The following IMPACT variants were observed in gnomAD, a reference collection of about 807,000 sequenced individuals.
The protein encoded by IMPACT is protein IMPACT.
A neutral mutation model predicts 47.5 loss-of-function variants in IMPACT; 35 were observed. The ratio of observed to expected loss-of-function variants is 0.74; its 90% CI spans 0.56 to 0.98. The LOEUF (loss-of-function observed/expected upper bound fraction) is 0.98. Among genes scored for constraint, IMPACT ranks in the 50% least tolerant of loss-of-function variants. The pLI, the probability that IMPACT is intolerant of heterozygous loss-of-function variation, is 0.00. For synonymous variants in IMPACT, 118 were observed against 125.6 expected (o/e 0.94, Z 0.40); for missense variants, 373 against 394.8 (o/e 0.94, Z 0.47).
intron 7 of IMPACT, among the ~76,000 whole-genome samples, chr18:24,443,565 A>C (rs1310399682): frequency 6.6e-6 from 1 of 152,248 alleles, no homozygotes; most frequent in African/African-American, 2.4e-5. Flanking sequence ...TTGTGTTATT[A>C]GAGAAAATTA....
chr18:24,453,365 A>T lies in IMPACT; in HGVS notation c.*2518A>T, dbSNP rs551902851. 2 of 152,304 alleles carry T rather than the reference A, an allele frequency of 1.3e-5. No individual in the cohort carries two copies. The highest frequency in any genetic ancestry group is 2.9e-5 in the Non-Finnish European group (2 of 68,010). The allele number at this position is 152,304 out of a possible 1,614,324, so 9.4% of individuals were successfully genotyped here. A position where few individuals can be genotyped will look rare whatever the true frequency, so the allele number is the denominator to read the frequency against. On this transcript the variant is annotated 3_prime_UTR_variant, in exon 11 of 11. Transcript: ENST00000284202. ...CCATTATTATTAATATTTGGTATGT[A>T]CATCCTTATATTATTTTTTTCTTAT...
At chr18:24,446,376 A>G (rs1028203852) in intron 8 of IMPACT, among the ~76,000 whole-genome samples, 1 of 152,218 alleles carries the variant, frequency 6.6e-6, no homozygotes, top group Non-Finnish European at 1.5e-5. Flanking sequence ...AAACCAATTT[A>G]TGCTCCTGTA....
intron 4 of IMPACT, among the ~76,000 whole-genome samples, chr18:24,433,753 C>G (rs1482795440): frequency 6.7e-6 from 1 of 149,812 alleles, no homozygotes; most frequent in Non-Finnish European, 1.5e-5. Flanking sequence ...TCACTGCAAC[C>G]TCCGCCTCCC....
intron 7 of IMPACT, among the ~76,000 whole-genome samples, 173 bp from the exon 8 acceptor site, chr18:24,445,220 C>G (rs766119991): frequency 2.0e-5 from 3 of 152,116 alleles, no homozygotes; most frequent in Non-Finnish European, 4.4e-5. Context: ...TTATGAGTAC[C>G]AGTCTCTGCC....
At position 24,445,348 on chromosome 18, in the gene IMPACT, G is replaced by T. The variant is rs762961970; in HGVS notation, c.595-45G>T. 3.5e-6 allele frequency: 4 copies of T among 1,137,222 alleles called. No homozygotes were observed. The African/African-American group carries it at 6.2e-5, about 18-fold the overall frequency. The allele number at this position is 1,137,222 out of a possible 1,614,324, so 70.4% of individuals were successfully genotyped here. A position where few individuals can be genotyped will look rare whatever the true frequency, so the allele number is the denominator to read the frequency against. ...TATTTTTCTAGCATTTATTTACAGAGCAAATATAAAAAGCATACTTATTTA... is the reference window on the plus strand; with the variant it reads ...TATTTTTCTAGCATTTATTTACAGATCAAATATAAAAAGCATACTTATTTA... On this transcript the variant is annotated intron_variant, in intron 7 of 10. Coordinates refer to ENST00000284202, the MANE Select transcript of IMPACT (RefSeq NM_018439.4).
At chr18:24,432,990 C>T (rs576335239) in intron 4 of IMPACT, among the ~76,000 whole-genome samples, 35 of 152,068 alleles carry the variant, frequency 2.3e-4, no homozygotes, top group Non-Finnish European at 4.0e-4. Context: ...TCCCACAGGA[C>T]GCAACTTTCC....
chr18:24,437,884 CTG>C (rs1336786461), intron 4 of IMPACT, 69 bp from the exon 5 acceptor site: 2 of 758,184 alleles, frequency 2.6e-6, no homozygotes, highest in Non-Finnish European at 4.7e-6. Context: ...TTGCAAATGT[CTG>C]TATCTTCTTG....
At chr18:24,433,540 A>G (rs887177487) in intron 4 of IMPACT, among the ~76,000 whole-genome samples, 2 of 150,628 alleles carry the variant, frequency 1.3e-5, no homozygotes, top group African/African-American at 4.9e-5. Context: ...GTGTTGCCCA[A>G]GCTGGCCTTG....
chr18:24,438,680 T>C (rs1412537570), intron 5 of IMPACT, among the ~76,000 whole-genome samples: 3 of 152,224 alleles, frequency 2.0e-5, no homozygotes. Flanking sequence ...TTGCCCAGGC[T>C]GATCTCAAAC....
Position 24,426,735 on chromosome 18 carries a change from G to T in IMPACT, c.-22G>T. On this transcript the variant is annotated 5_prime_UTR_variant, in exon 1 of 11. Transcript: ENST00000284202. ...GCTCCGGACCTGGCAGGCGGCGGCT[G>T]CAGGGCAGGTCCAGGGGCCACATGG... The T allele has an allele frequency of 8.0e-7, 1 of 1,246,182 alleles. No individual in the cohort carries two copies. The highest frequency in any genetic ancestry group is 1.0e-6 in the Non-Finnish European group (1 of 994,580). The allele number at this position is 1,246,182 out of a possible 1,614,324, so 77.2% of individuals were successfully genotyped here. A position where few individuals can be genotyped will look rare whatever the true frequency, so the allele number is the denominator to read the frequency against.
chr18:24,445,309 A>G (rs1909220777), intron 7 of IMPACT, 84 bp from the exon 8 acceptor site: 1 of 796,220 alleles, frequency 1.3e-6, no homozygotes, highest in South Asian at 1.8e-5. Context: ...ATTTTAATAC[A>G]GCATGCTTCA....
Position 24,449,832 on chromosome 18 carries a change from A to G in IMPACT, c.773A>G (p.Lys258Arg). The change falls in exon 10 of 11, where the codon AAG becomes AGG. Residue 258 changes from lysine (K) to arginine (R), a missense_variant. By Grantham distance (26) the Lys-to-Arg change is conservative. Coordinates refer to ENST00000284202, the MANE Select transcript of IMPACT (RefSeq NM_018439.4). ...AAAAAATAACAGATTTTGAATGTGAAGAATGTCATGGTGGTAGTATCACGC... is the reference window on the plus strand; with the variant it reads ...AAAAAATAACAGATTTTGAATGTGAGGAATGTCATGGTGGTAGTATCACGC... ...LLHLMEILNV[K>R]NVMVVVSRWY... 1 of 1,612,510 alleles carries G rather than the reference A, an allele frequency of 6.2e-7. No individual in the cohort carries two copies.
intron 6 of IMPACT, among the ~76,000 whole-genome samples, chr18:24,441,523 T>G (rs879535101): frequency 5.9e-5 from 9 of 152,236 alleles, no homozygotes; most frequent in Non-Finnish European, 8.8e-5. Context: ...TCGAGTAGTA[T>G]TCAACATAAA....
At chr18:24,442,150 CTTTTTTTTTTT>C (rs397965432) in intron 6 of IMPACT, among the ~76,000 whole-genome samples, 4 of 116,478 alleles carry the variant, frequency 3.4e-5, no homozygotes, top group African/African-American at 3.2e-5. Context: ...ATTAGTGATT[CTTTTTTTTTTT>C]TTTTTTTTTG....
At chr18:24,428,840 A>C in intron 2 of IMPACT, 29 bp from the exon 3 acceptor site, 1 of 1,587,774 alleles carries the variant, frequency 6.3e-7, no homozygotes, top group Non-Finnish European at 8.6e-7. Context: ...GATGAAGTGT[A>C]AACAGATGTT....
Position 24,450,820 on chromosome 18 carries a change from AAAAGACAAG to A in IMPACT, c.939_947del (p.Asp314_Lys316del). The A allele has an allele frequency of 6.2e-7, 1 of 1,609,548 alleles. No individual in the cohort carries two copies. Among genetic ancestry groups the A allele is most frequent in the Non-Finnish European group, 8.5e-7 (1 of 1,176,232 alleles). ...CTTTGGGAAAGAACAAAAAAGTAAG[AAAAGACAAG>A]AAGAGGAATGAACATTAATACCTGA... On this transcript the variant is annotated inframe_deletion, in exon 11 of 11. Transcript: ENST00000284202.
chr18:24,429,277 C>T (rs998405761), intron 3 of IMPACT, among the ~76,000 whole-genome samples: 1 of 152,166 alleles, frequency 6.6e-6, no homozygotes, highest in Admixed American at 6.5e-5. Flanking sequence ...CTTGATGTAC[C>T]TGTAAGACTG....
chr18:24,441,428 C>T (rs1009295070), intron 6 of IMPACT, among the ~76,000 whole-genome samples: 1 of 152,214 alleles, frequency 6.6e-6, no homozygotes, highest in African/African-American at 2.4e-5. Flanking sequence ...ACCTACCCAC[C>T]TCATCCTCCC....
At chr18:24,433,039 T>TA (rs1452114407) in intron 4 of IMPACT, among the ~76,000 whole-genome samples, 3 of 152,162 alleles carry the variant, frequency 2.0e-5, no homozygotes, top group South Asian at 4.1e-4. Context: ...ATTTGAAACT[T>TA]ACGAAGTGTC....
Sources: allele counts gnomAD v4.1 joint callset (sites outside exome capture counted in the v4.1 genomes callset), GRCh38; gene constraint gnomAD v4.1.1; transcripts MANE v1.5; gene names NCBI Gene and HGNC (gene_info 2026-07-23, HGNC 2026-07-21).